The following HDAC9 variants were observed in gnomAD, a reference collection of about 807,000 sequenced individuals.
HDAC9 encodes the protein histone deacetylase 9, also known as MEF-2 interacting transcription repressor (MITR) protein.
HDAC9 carries 41 observed loss-of-function variants against 139.4 expected under a neutral mutation model. The ratio of observed to expected loss-of-function variants is 0.29; its 90% CI spans 0.23 to 0.38. HDAC9 has a LOEUF of 0.38. Among genes scored for constraint, HDAC9 ranks in the 10% least tolerant of loss-of-function variants. The pLI is 1.00. For synonymous variants in HDAC9, 517 were observed against 476.2 expected (o/e 1.09, Z -1.12); for missense variants, 1,147 against 1,297.0 (o/e 0.88, Z 1.78).
At chr7:18,789,374 G>C (rs1792113530) in intron 16 of HDAC9, among the ~76,000 whole-genome samples, 1 of 151,980 alleles carries the variant, frequency 6.6e-6, no homozygotes, top group South Asian at 2.1e-4. Context: ...AGTTGTTGGA[G>C]AGACAAAGGA....
intron 22 of HDAC9, among the ~76,000 whole-genome samples, chr7:18,881,633 T>C (rs1799746085): frequency 1.3e-5 from 2 of 152,140 alleles, no homozygotes; most frequent in Admixed American, 1.3e-4. Context: ...TATCAAAATC[T>C]ATAAAGAACC....
At chr7:18,313,416 A>G (rs1281060973) in intron 1 of HDAC9, among the ~76,000 whole-genome samples, 1 of 152,208 alleles carries the variant, frequency 6.6e-6, no homozygotes, top group African/African-American at 2.4e-5. Context: ...TCAGAATTTA[A>G]TATTTTCCTG....
chr7:18,222,240 A>T (rs1379360686), intron 2 of HDAC9, among the ~76,000 whole-genome samples: 1 of 152,200 alleles, frequency 6.6e-6, no homozygotes, highest in Non-Finnish European at 1.5e-5. Context: ...CTTGCAAGTT[A>T]AACCCTGAAC....
At chr7:18,633,920 A>G (rs552001825) in intron 7 of HDAC9, among the ~76,000 whole-genome samples, 147 of 152,198 alleles carry the variant, frequency 9.7e-4, no homozygotes, top group African/African-American at 3.4e-3. Context: ...TAAATAAAGA[A>G]TCTGTCTTGT....
intron 19 of HDAC9, among the ~76,000 whole-genome samples, chr7:18,831,904 C>T (rs1023304402): frequency 1.3e-5 from 2 of 152,178 alleles, no homozygotes; most frequent in African/African-American, 4.8e-5. Flanking sequence ...GGCAAAGGTA[C>T]TCCTTTGTCC....
At chr7:18,851,721 AT>A (rs1797313983) in intron 21 of HDAC9, among the ~76,000 whole-genome samples, 1 of 152,180 alleles carries the variant, frequency 6.6e-6, no homozygotes, top group South Asian at 2.1e-4. Flanking sequence ...TAGTATAGTG[AT>A]TTATATTAAA....
intron 21 of HDAC9, among the ~76,000 whole-genome samples, chr7:18,853,959 AT>A (rs534736078): frequency 7.4e-4 from 112 of 152,300 alleles, no homozygotes; most frequent in Admixed American, 2.7e-3. Context: ...GCTGACTGTA[AT>A]ATTTAGTAAA....
At position 18,336,038 on chromosome 7, in the gene HDAC9, T is replaced by G. The variant is rs1029988314; in HGVS notation, c.-42+45523T>G. On this transcript the variant is annotated intron_variant, in intron 1 of 3. Transcript: ENST00000413509. ...TTTAGTTTAGAGCAATGCTTTTACA[T>G]TTTCTCTTAAGAAAATTAAGAATTT... 4.0e-5 allele frequency among the ~76,000 whole-genome samples: 6 copies of G among 151,664 alleles called. No homozygotes were observed. In the South Asian group the frequency reaches 1.0e-3, roughly 26 times the overall value.
intron 1 of HDAC9, among the ~76,000 whole-genome samples, chr7:18,329,353 GTATGT>G (rs1161125815): frequency 6.6e-6 from 1 of 151,546 alleles, no homozygotes; most frequent in East Asian, 1.9e-4. Context: ...GAGTTGATAG[GTATGT>G]TAATTAACTT....
At chr7:18,779,948 G>C (rs2588600) in intron 16 of HDAC9, among the ~76,000 whole-genome samples, 115,641 of 151,950 alleles carry the variant, frequency 0.76, 44,794 homozygotes, top group Non-Finnish European at 0.83. Flanking sequence ...CCAGTGATTA[G>C]GCATCTAGGC....
intron 1 of HDAC9, among the ~76,000 whole-genome samples, chr7:18,149,949 A>G (rs1786645708): frequency 6.6e-6 from 1 of 152,134 alleles, no homozygotes; most frequent in African/African-American, 2.4e-5. Flanking sequence ...CTCCCGCCTC[A>G]GCCTCCCCAA....
chr7:18,965,212 T>C (rs1783769511), intron 24 of HDAC9, among the ~76,000 whole-genome samples: 1 of 152,224 alleles, frequency 6.6e-6, no homozygotes, highest in Non-Finnish European at 1.5e-5. Context: ...TGTTTGTCTA[T>C]GTACAGGGAG....
At chr7:18,830,163 A>G (rs1205222527) in intron 19 of HDAC9, among the ~76,000 whole-genome samples, 1 of 152,228 alleles carries the variant, frequency 6.6e-6, no homozygotes, top group Non-Finnish European at 1.5e-5. Context: ...GTTTAAAAGC[A>G]GATGACACTT....
chr7:18,754,891 A>G (rs542016560), intron 14 of HDAC9, among the ~76,000 whole-genome samples: 2 of 152,264 alleles, frequency 1.3e-5, no homozygotes, highest in South Asian at 4.1e-4. Context: ...CTGTGGTGAA[A>G]CACTTTGGAA....
rs191818001 is a variant in HDAC9, at chr7:18,902,851, A to G, written c.2803+28255A>G. ...AAATATGTCTCTAGTTTACATGTAC[A>G]AATTTTCTGATTCCAGGAATCTCTG... On this transcript the variant is annotated intron_variant, in intron 22 of 25. Transcript: ENST00000686413. Among the ~76,000 whole-genome samples the G allele has an allele frequency of 7.9e-5, 12 of 152,334 alleles. No homozygotes were observed. In the East Asian group the frequency reaches 2.3e-3, roughly 29 times the overall value.
chr7:18,142,463 C>G (rs1785974821), intron 1 of HDAC9, among the ~76,000 whole-genome samples: 1 of 152,154 alleles, frequency 6.6e-6, no homozygotes, highest in African/African-American at 2.4e-5. Flanking sequence ...ATACTGGATT[C>G]TTGTGCAGTG....
At chr7:18,368,132 G>C (rs535877928) in intron 1 of HDAC9, among the ~76,000 whole-genome samples, 6 of 151,974 alleles carry the variant, frequency 3.9e-5, no homozygotes, top group African/African-American at 1.4e-4. Context: ...CTTCCTTTTA[G>C]TGTCATTGAT....
At chr7:18,226,505 C>T (rs745815308) in intron 2 of HDAC9, among the ~76,000 whole-genome samples, 2 of 152,052 alleles carry the variant, frequency 1.3e-5, no homozygotes, top group South Asian at 2.1e-4. Flanking sequence ...ATAAGTGTCA[C>T]GCTAGTAGTG....
intron 12 of HDAC9, among the ~76,000 whole-genome samples, chr7:18,678,141 T>C (rs1272412153): frequency 6.6e-6 from 1 of 151,928 alleles, no homozygotes; most frequent in Non-Finnish European, 1.5e-5. Context: ...GAGCTCTTTA[T>C]TTTATTCCAT....
Sources: gnomAD v4.1 joint callset for allele counts (sites outside exome capture counted in the v4.1 genomes callset) on GRCh38, gnomAD v4.1.1 for gene constraint, MANE v1.5 for transcripts, NCBI Gene and HGNC (gene_info 2026-07-23, HGNC 2026-07-21) for gene names.